The following RBKS variants were observed in gnomAD, a reference collection of about 807,000 sequenced individuals.
RBKS encodes the protein ribokinase.
Under a neutral mutation model 33.9 loss-of-function variants are expected in RBKS, and 33 were observed. That is an observed-to-expected ratio of 0.97 (90% confidence interval 0.74 to 1.30). The LOEUF (loss-of-function observed/expected upper bound fraction) is 1.30, where lower values mean the gene tolerates loss of function less well. RBKS is among the 50% of genes most tolerant of loss of function. The probability of loss-of-function intolerance (pLI) is 0.00; values close to 1 mark genes in which losing one functional copy is unlikely to be tolerated. For missense variants in RBKS, 361 were observed against 392.6 expected (o/e 0.92, Z 0.68); for synonymous variants, 125 against 143.0 (o/e 0.87, Z 0.90).
intron 7 of RBKS, among the ~76,000 whole-genome samples, chr2:27,815,311 G>T (rs1470136510): frequency 6.6e-6 from 1 of 152,086 alleles, no homozygotes; most frequent in East Asian, 1.9e-4. Context: ...AGGCTCAAGT[G>T]ATCCTCTTGC....
chr2:27,785,650 C>A (rs1677383630), intron 7 of RBKS, among the ~76,000 whole-genome samples: 1 of 151,812 alleles, frequency 6.6e-6, no homozygotes, highest in South Asian at 2.1e-4. Flanking sequence ...GTAATCCCAG[C>A]CACTTGGGAG....
At chr2:27,857,082 A>G (rs115917672) in intron 2 of RBKS, among the ~76,000 whole-genome samples, 199 of 152,362 alleles carry the variant, frequency 1.3e-3, no homozygotes, top group African/African-American at 4.5e-3. Flanking sequence ...ATAAAATTAC[A>G]GTTTACTAGC....
chr2:27,784,675 G>C (rs1453747236), intron 7 of RBKS, among the ~76,000 whole-genome samples: 1 of 152,180 alleles, frequency 6.6e-6, no homozygotes, highest in Non-Finnish European at 1.5e-5. Flanking sequence ...ATGAGACCAT[G>C]AGTGGCGTTA....
In RBKS at chr2:27,787,964, G is replaced by A. The variant is rs149688613; in HGVS notation, c.796-6176C>T. Among the ~76,000 whole-genome samples the A allele has an allele frequency of 9.2e-4, 140 of 152,214 alleles. 1 individual carries two copies. Among genetic ancestry groups the A allele is most frequent in the African/African-American group, 3.3e-3 (136 of 41,548 alleles). On this transcript the variant is annotated intron_variant, in intron 7 of 7. Transcript: ENST00000302188. ...TGGTTTAACATTTTAAAAAATCAGTGTAATTCAGTAATATTAAAAACCTTA... is the reference window on the plus strand; with the variant it reads ...TGGTTTAACATTTTAAAAAATCAGTATAATTCAGTAATATTAAAAACCTTA...
intron 7 of RBKS, among the ~76,000 whole-genome samples, chr2:27,791,175 A>G (rs1281096714): frequency 2.6e-5 from 4 of 152,230 alleles, no homozygotes; most frequent in Non-Finnish European, 4.4e-5. Flanking sequence ...ACAAAAGACT[A>G]CATATCATAT....
chr2:27,868,206 AG>A (rs1388568424), intron 1 of RBKS, among the ~76,000 whole-genome samples: 1 of 152,234 alleles, frequency 6.6e-6, no homozygotes, highest in African/African-American at 2.4e-5. Flanking sequence ...AATCAGCATA[AG>A]ACAAAATAAT....
At chr2:27,841,729 AACACAC>A (rs35205983) in intron 5 of RBKS, among the ~76,000 whole-genome samples, 40 of 142,272 alleles carry the variant, frequency 2.8e-4, no homozygotes, top group East Asian at 4.2e-4. Flanking sequence ...CACTTATATA[AACACAC>A]ACACACACAC....
chr2:27,783,920 G>GA (rs1336118041), intron 7 of RBKS, among the ~76,000 whole-genome samples: 99 of 28,734 alleles, frequency 3.4e-3, no homozygotes, highest in Admixed American at 4.5e-3. Context: ...AAAAAAAAAA[G>GA]AAAAAAAAAA....
At chr2:27,852,190 A>G (rs1663761417) in intron 2 of RBKS, among the ~76,000 whole-genome samples, 1 of 152,238 alleles carries the variant, frequency 6.6e-6, no homozygotes, top group African/African-American at 2.4e-5. Context: ...ACTTTCTGCA[A>G]TGATGAAATG....
intron 1 of RBKS, among the ~76,000 whole-genome samples, chr2:27,882,595 A>G (rs1664440390): frequency 6.6e-6 from 1 of 152,268 alleles, no homozygotes; most frequent in Non-Finnish European, 1.5e-5. Flanking sequence ...TCACAGGAAT[A>G]TAAATCATTC....
In RBKS at chr2:27,827,681, C is replaced by T. The variant is rs1301844874; in HGVS notation, c.681G>A (p.Arg227=). ...AGEAALVLLK[R]GCQVVIITLG... is the part of the protein sequence containing the mutation. ...AGGTAATGATTACCACCTGGCAGCC[C>T]CTTTTCAAGAGCACTAATGCAGCCT... The change falls in exon 7 of 8, where the codon AGG becomes AGA. Residue 227 remains arginine (R), a synonymous_variant. Transcript: ENST00000302188. 1 of 1,613,886 alleles carries T rather than the reference C, an allele frequency of 6.2e-7. No homozygotes were observed.
At chr2:27,866,749 C>T (rs1406119322) in intron 1 of RBKS, among the ~76,000 whole-genome samples, 2 of 152,108 alleles carry the variant, frequency 1.3e-5, no homozygotes, top group East Asian at 3.8e-4. Context: ...ATAGATCTTC[C>T]ATTTTTCTTC....
At chr2:27,794,498 T>G (rs1677604841) in intron 7 of RBKS, among the ~76,000 whole-genome samples, 1 of 151,818 alleles carries the variant, frequency 6.6e-6, no homozygotes, top group Non-Finnish European at 1.5e-5. Flanking sequence ...TAGACTGAAG[T>G]GAAGCTCTTT....
chr2:27,819,294 GAGAA>G (rs924823122), intron 7 of RBKS, among the ~76,000 whole-genome samples: 1 of 152,106 alleles, frequency 6.6e-6, no homozygotes, highest in African/African-American at 2.4e-5. Flanking sequence ...CAGAGAGAGA[GAGAA>G]AAAGGGAGAG....
chr2:27,852,728 G>C (rs1307992705), intron 2 of RBKS, among the ~76,000 whole-genome samples: 1 of 152,182 alleles, frequency 6.6e-6, no homozygotes, highest in Non-Finnish European at 1.5e-5. Context: ...TTCTGCTCAA[G>C]AAGTTATCAC....
intron 7 of RBKS, among the ~76,000 whole-genome samples, chr2:27,802,169 AACTC>A (rs1158438842): frequency 5.3e-5 from 8 of 150,620 alleles, no homozygotes; most frequent in Non-Finnish European, 1.0e-4. Flanking sequence ...ATCTTGAGAG[AACTC>A]ACTCACTATT....
chr2:27,877,023 G>A (rs1272443509), intron 1 of RBKS, among the ~76,000 whole-genome samples: 1 of 152,150 alleles, frequency 6.6e-6, no homozygotes, highest in Non-Finnish European at 1.5e-5. Context: ...ATAACACAAT[G>A]TGTTAGTACT....
chr2:27,820,279 A>G (rs1232996744), intron 7 of RBKS, among the ~76,000 whole-genome samples: 3 of 152,172 alleles, frequency 2.0e-5, no homozygotes, highest in African/African-American at 7.2e-5. Flanking sequence ...TCCCCAGCCT[A>G]TACCCCTTCC....
At position 27,837,418 on chromosome 2, in the gene RBKS, T is replaced by C. The variant is rs570823445; in HGVS notation, c.515-4641A>G. Among the ~76,000 whole-genome samples the C allele has an allele frequency of 1.2e-4, 19 of 152,300 alleles. No individual in the cohort carries two copies. The highest frequency in any genetic ancestry group is 9.6e-4 in the East Asian group (5 of 5,190). On this transcript the variant is annotated intron_variant, in intron 5 of 7. Coordinates refer to ENST00000302188, the MANE Select transcript of RBKS (RefSeq NM_022128.3). The surrounding 1 kb of genome is among the most constrained non-coding windows in gnomAD (Gnocchi z 4.0). ...AGTCATGTAGAAAGCAGTTTGGAGA[T>C]TGATTCTCAAAGAACTTAAAATAGA...
Sources: gnomAD v4.1 joint callset for allele counts (sites outside exome capture counted in the v4.1 genomes callset) on GRCh38, gnomAD v4.1.1 for gene constraint, Gnocchi (gnomAD v3.1) non-coding constraint, MANE v1.5 for transcripts, NCBI Gene and HGNC (gene_info 2026-07-23, HGNC 2026-07-21) for gene names.